The following SHISA9 variants were observed in gnomAD, a reference collection of about 807,000 sequenced individuals.
SHISA9 encodes the protein shisa family member 9.
A neutral mutation model predicts 38.0 loss-of-function variants in SHISA9; 13 were observed. The ratio of observed to expected loss-of-function variants is 0.34; its 90% confidence interval spans 0.22 to 0.54. SHISA9 has a LOEUF of 0.54. Ranked by LOEUF, SHISA9 falls within the 20% of genes least tolerant of loss-of-function variation. SHISA9 has a pLI of 0.91. For missense variants in SHISA9, 538 were observed against 575.8 expected, an observed-to-expected ratio of 0.93 and a Z score of 0.67; for synonymous variants, 275 against 242.0, an observed-to-expected ratio of 1.14 and a Z score of -1.27.
At chr16:13,181,758 G>A (rs567961626) in intron 2 of SHISA9, among the ~76,000 whole-genome samples, 2 of 152,104 alleles carry the variant, frequency 1.3e-5, no homozygotes, top group East Asian at 3.9e-4. Flanking sequence ...AAGAGGGGGT[G>A]ATGGAGATGG....
At chr16:13,515,209 TAAGAA>T in the SHISA9 span, among the ~76,000 whole-genome samples, 192 of 152,116 alleles carry the variant, frequency 1.3e-3, no homozygotes, top group African/African-American at 4.4e-3. Context: ...AGTCTAGTAA[TAAGAA>T]AAGAGTGAAA....
At chr16:13,388,136 G>T in the SHISA9 span, among the ~76,000 whole-genome samples, 1 of 152,078 alleles carries the variant, frequency 6.6e-6, no homozygotes, top group African/African-American at 2.4e-5. Context: ...CCAGGTTCTG[G>T]TGGCTTCCAC....
At chr16:13,303,908 CT>C in the SHISA9 span, among the ~76,000 whole-genome samples, 2 of 152,134 alleles carry the variant, frequency 1.3e-5, no homozygotes, top group African/African-American at 4.8e-5. Context: ...CAGACTTAAT[CT>C]TTTCACAGAC....
At chr16:13,015,906 CTTTT>C (rs1444645114) in intron 2 of SHISA9, among the ~76,000 whole-genome samples, 2 of 55,504 alleles carry the variant, frequency 3.6e-5, no homozygotes, top group African/African-American at 5.1e-5. Flanking sequence ...TTCTTTCTTT[CTTTT>C]CTTTCTTTCT....
At chr16:13,115,868 A>G (rs911249627) in intron 2 of SHISA9, among the ~76,000 whole-genome samples, 6 of 152,038 alleles carry the variant, frequency 3.9e-5, no homozygotes, top group African/African-American at 1.4e-4. Flanking sequence ...TATGAACAAA[A>G]CCCTTGGAGT....
At chr16:13,535,786 T>A in the SHISA9 span, among the ~76,000 whole-genome samples, 1 of 152,192 alleles carries the variant, frequency 6.6e-6, no homozygotes, top group African/African-American at 2.4e-5. Context: ...AATCATATCT[T>A]ACAACTCTCT....
chr16:13,324,884 A>C, the SHISA9 span, among the ~76,000 whole-genome samples: 1 of 152,208 alleles, frequency 6.6e-6, no homozygotes, highest in Non-Finnish European at 1.5e-5. Flanking sequence ...AGAAGGCAGG[A>C]TATCTCAAAG....
chr16:13,394,012 C>T, the SHISA9 span, among the ~76,000 whole-genome samples: 1 of 152,216 alleles, frequency 6.6e-6, no homozygotes, highest in African/African-American at 2.4e-5. Context: ...GTGACCTTCC[C>T]ACCCCATTGA....
chr16:13,218,315 T>C (rs1340485093), intron 4 of SHISA9, among the ~76,000 whole-genome samples: 1 of 152,170 alleles, frequency 6.6e-6, no homozygotes, highest in African/African-American at 2.4e-5. Context: ...ATTTTTAAAA[T>C]GCACCTCCTG....
intron 2 of SHISA9, among the ~76,000 whole-genome samples, chr16:13,001,378 CG>C (rs139285300): frequency 2.6e-5 from 4 of 152,236 alleles, no homozygotes; most frequent in South Asian, 2.1e-4. Context: ...GACTAAGGAT[CG>C]GGGGGCCTTT....
Position 13,031,381 on chromosome 16 carries a change from A to C in SHISA9, c.691+114566A>C, listed in dbSNP as rs573891377. Among the ~76,000 whole-genome samples, 143 of 152,302 alleles carry C rather than the reference A, an allele frequency of 9.4e-4. 1 individual carries two copies. In the Middle Eastern group the frequency reaches 0.024, roughly 25 times the overall value. ...ATTGCACCCTCTCCATGGGGTGGGT[A>C]AGTAGCAAATGGATAATGTTTCATT... On this transcript the variant is annotated intron_variant, in intron 2 of 4. Transcript: ENST00000558583.
In SHISA9 at chr16:13,039,024, T is replaced by G. The variant is rs532186343; in HGVS notation, c.691+122209T>G. On this transcript the variant is annotated intron_variant, in intron 2 of 4. Transcript: ENST00000558583. ...CCTGGATTCAAGTGATTCTCCTGCC[T>G]CAGCCTCCCGAGTAGCTAGAACTAC... Among the ~76,000 whole-genome samples, 4 of 152,276 alleles carry G rather than the reference T, an allele frequency of 2.6e-5. No homozygotes were observed. The Middle Eastern group carries it at 0.01, about 388-fold the overall frequency.
At chr16:12,965,612 G>T (rs997207044) in intron 2 of SHISA9, among the ~76,000 whole-genome samples, 1 of 152,182 alleles carries the variant, frequency 6.6e-6, no homozygotes, top group Non-Finnish European at 1.5e-5. Flanking sequence ...CTTAGGAGGT[G>T]GCTGCTTTTT....
At chr16:13,424,218 G>T in the SHISA9 span, among the ~76,000 whole-genome samples, 1 of 73,888 alleles carries the variant, frequency 1.4e-5, no homozygotes, top group East Asian at 5.9e-4. Context: ...GTCCTCTCCT[G>T]AATATCTCAC....
chr16:13,250,695 G>A, the SHISA9 span, among the ~76,000 whole-genome samples: 1 of 152,132 alleles, frequency 6.6e-6, no homozygotes, highest in East Asian at 1.9e-4. Flanking sequence ...CTGTATTCCA[G>A]GATTCTGGGG....
the SHISA9 span, among the ~76,000 whole-genome samples, chr16:13,461,353 G>A: frequency 3.9e-5 from 6 of 152,082 alleles, no homozygotes; most frequent in African/African-American, 1.4e-4. Context: ...GCCAAGGCGG[G>A]TGGATCACCT....
At chr16:13,460,196 C>A in the SHISA9 span, among the ~76,000 whole-genome samples, 3 of 152,146 alleles carry the variant, frequency 2.0e-5, no homozygotes, top group South Asian at 4.1e-4. Flanking sequence ...CAAATATCAT[C>A]CCTGTCCTCT....
intron 2 of SHISA9, among the ~76,000 whole-genome samples, chr16:12,988,543 G>T (rs916432088): frequency 6.6e-5 from 10 of 152,002 alleles, no homozygotes; most frequent in African/African-American, 2.4e-4. Flanking sequence ...TTTTGTTTTT[G>T]AGACAGCCTC....
At chr16:13,102,480 T>C (rs554372970) in intron 2 of SHISA9, among the ~76,000 whole-genome samples, 4 of 152,346 alleles carry the variant, frequency 2.6e-5, no homozygotes, top group African/African-American at 9.6e-5. Context: ...TGGCCACTGA[T>C]GCTATTCTGG....
Sources: gnomAD v4.1 joint callset for allele counts (sites outside exome capture counted in the v4.1 genomes callset) on GRCh38, gnomAD v4.1.1 for gene constraint, MANE v1.5 for transcripts, NCBI Gene and HGNC (gene_info 2026-07-23, HGNC 2026-07-21) for gene names.